The following LRMDA variants were observed in gnomAD, a reference collection of about 807,000 sequenced individuals.
The protein encoded by LRMDA is leucine-rich melanocyte differentiation-associated protein.
A neutral mutation model predicts 29.8 loss-of-function variants in LRMDA; 18 were observed. The ratio of observed to expected loss-of-function variants is 0.60; its 90% CI spans 0.42 to 0.90. The LOEUF (loss-of-function observed/expected upper bound fraction) is 0.90, where lower values mean the gene tolerates loss of function less well. Among genes scored for constraint, LRMDA ranks in the 40% least tolerant of loss-of-function variants. The pLI is 0.00. For missense variants in LRMDA, 273 were observed against 273.9 expected (o/e 1.00, Z 0.02); for synonymous variants, 125 against 109.4 (o/e 1.14, Z -0.89).
At chr10:76,323,116 T>C (rs1296832983) in intron 5 of LRMDA, among the ~76,000 whole-genome samples, 1 of 152,190 alleles carries the variant, frequency 6.6e-6, no homozygotes, top group Non-Finnish European at 1.5e-5. Flanking sequence ...AAACACCATA[T>C]ATTTGCCTTG....
intron 6 of LRMDA, among the ~76,000 whole-genome samples, chr10:76,440,562 T>G (rs1013629503): frequency 1.3e-5 from 2 of 152,052 alleles, no homozygotes; most frequent in Non-Finnish European, 2.9e-5. Flanking sequence ...TTCCCTCGTT[T>G]GTATAATGGG....
At chr10:75,632,153 T>G (rs1265069862) in intron 2 of LRMDA, among the ~76,000 whole-genome samples, 1 of 152,206 alleles carries the variant, frequency 6.6e-6, no homozygotes, top group Non-Finnish European at 1.5e-5. Flanking sequence ...GGAGCTTGGT[T>G]ACTCTAGTGC....
At chr10:75,915,935 G>A (rs1564605738) in intron 2 of LRMDA, among the ~76,000 whole-genome samples, 1 of 152,184 alleles carries the variant, frequency 6.6e-6, no homozygotes, top group Non-Finnish European at 1.5e-5. Flanking sequence ...TATCAGGGAA[G>A]GCACCTTAGA....
At chr10:76,556,154 G>T (rs1471789802) in intron 6 of LRMDA, among the ~76,000 whole-genome samples, 2 of 152,018 alleles carry the variant, frequency 1.3e-5, no homozygotes, top group Admixed American at 1.3e-4. Flanking sequence ...CTATTGTAGG[G>T]GCATTTTTCA....
chr10:75,572,881 C>G (rs1267813923), intron 2 of LRMDA, among the ~76,000 whole-genome samples: 1 of 152,200 alleles, frequency 6.6e-6, no homozygotes, highest in Non-Finnish European at 1.5e-5. Context: ...AGAGGTTTAT[C>G]TCTTTCTATG....
At chr10:76,379,638 TTTTG>T (rs532107965) in intron 6 of LRMDA, among the ~76,000 whole-genome samples, 157 of 152,260 alleles carry the variant, frequency 1.0e-3, no homozygotes, top group African/African-American at 3.6e-3. Context: ...AGTTTATCAA[TTTTG>T]TTTATCTTTT....
intron 6 of LRMDA, among the ~76,000 whole-genome samples, chr10:76,554,870 GGTGT>G (rs72203665): frequency 0.3 from 45,051 of 150,436 alleles, 7,375 homozygotes; most frequent in Non-Finnish European, 0.38. Context: ...CATGGTGGGT[GGTGT>G]GTGTGTGTGT....
chr10:76,226,677 C>T (rs1176021818), intron 5 of LRMDA, among the ~76,000 whole-genome samples: 1 of 152,146 alleles, frequency 6.6e-6, no homozygotes, highest in African/African-American at 2.4e-5. Flanking sequence ...CCCCATAATC[C>T]AGTCACTTCC....
intron 3 of LRMDA, among the ~76,000 whole-genome samples, chr10:76,043,150 T>TTG (rs1848369127): frequency 6.6e-6 from 1 of 152,114 alleles, no homozygotes; most frequent in Admixed American, 6.5e-5. Context: ...ACATTTTAAG[T>TTG]TGTGTGTGTG....
chr10:75,880,540 C>A (rs2132342930), intron 2 of LRMDA, among the ~76,000 whole-genome samples: 1 of 152,298 alleles, frequency 6.6e-6, no homozygotes, highest in South Asian at 2.1e-4. Flanking sequence ...GGATAATCTC[C>A]TTTTCCAGGA....
chr10:76,189,195 T>C (rs142117968), intron 5 of LRMDA, among the ~76,000 whole-genome samples: 9,214 of 152,062 alleles, frequency 0.061, 893 homozygotes, highest in African/African-American at 0.21. Context: ...CCATCTCTAC[T>C]AAAAATACAA....
At chr10:76,235,036 G>A (rs963182545) in intron 5 of LRMDA, among the ~76,000 whole-genome samples, 2 of 152,180 alleles carry the variant, frequency 1.3e-5, no homozygotes, top group African/African-American at 4.8e-5. Context: ...CTTGGCTTTT[G>A]AAATGCCTTC....
At chr10:76,039,646 C>G (rs1006838586) in intron 3 of LRMDA, among the ~76,000 whole-genome samples, 1 of 152,166 alleles carries the variant, frequency 6.6e-6, no homozygotes, top group African/African-American at 2.4e-5. Flanking sequence ...GAACAACAGG[C>G]TCTGAAGGCA....
At chr10:76,528,958 T>C (rs1051265201) in intron 6 of LRMDA, among the ~76,000 whole-genome samples, 2 of 152,108 alleles carry the variant, frequency 1.3e-5, no homozygotes, top group Admixed American at 6.6e-5. Flanking sequence ...GCTCTGTGTA[T>C]AAGATGAAAG....
At chr10:76,282,446 G>A (rs1199170387) in intron 5 of LRMDA, among the ~76,000 whole-genome samples, 2 of 152,180 alleles carry the variant, frequency 1.3e-5, no homozygotes, top group African/African-American at 2.4e-5. Flanking sequence ...CAGTGTTTGT[G>A]CAGTCAAGAT....
intron 6 of LRMDA, among the ~76,000 whole-genome samples, chr10:76,329,985 T>G (rs1840885139): frequency 6.6e-6 from 1 of 152,194 alleles, no homozygotes. Flanking sequence ...AATGTCTGTA[T>G]GTGAAGAGGT....
chr10:75,835,261 C>T (rs553271161), intron 2 of LRMDA, among the ~76,000 whole-genome samples: 16 of 152,290 alleles, frequency 1.1e-4, no homozygotes, highest in Admixed American at 2.0e-4. Flanking sequence ...TAGCAACCAC[C>T]TGTATTCCTT....
Position 75,583,364 on chromosome 10 carries a change from C to A in LRMDA, c.131+144870C>A, listed in dbSNP as rs1840618304. ...ACAGCAGCTTCCATTTCTGGGGAGG[C>A]TTCAGGAACCTTCCAATCATAGTGC... On this transcript the variant is annotated intron_variant, in intron 2 of 6. Transcript: ENST00000611255. Among the ~76,000 whole-genome samples the A allele has an allele frequency of 3.3e-5, 5 of 152,278 alleles. No homozygotes were observed. In the South Asian group the frequency reaches 1.0e-3, roughly 32 times the overall value.
rs571515713 is a variant in LRMDA at position 76,066,430 on chromosome 10, A to G, written c.516+7647A>G. The stretch of plus-strand genomic sequence containing the variant: ...TGATGATCAGATAAATTATATACAT[A>G]ACCTAAAATTACAGAGCAAGGTGGA... On this transcript the variant is annotated intron_variant, in intron 5 of 6. Transcript: ENST00000611255. 2.0e-5 allele frequency among the ~76,000 whole-genome samples: 3 copies of G among 152,272 alleles called. No individual in the cohort carries two copies. In the South Asian group the frequency reaches 6.2e-4, roughly 32 times the overall value.
Sources: allele counts gnomAD v4.1 joint callset (sites outside exome capture counted in the v4.1 genomes callset), GRCh38; gene constraint gnomAD v4.1.1; transcripts MANE v1.5; gene names NCBI Gene and HGNC (gene_info 2026-07-23, HGNC 2026-07-21).